SSBP3: variants seen among roughly 807,000 people sequenced by gnomAD.
SSBP3 encodes single-stranded DNA-binding protein 3.
Under a neutral mutation model 69.6 loss-of-function variants are expected in SSBP3, and 5 were observed. That is an observed-to-expected ratio of 0.07 (90% confidence interval 0.04 to 0.15). The LOEUF is 0.15. SSBP3 is among the 10% of genes least tolerant of loss of function. The pLI, the probability that SSBP3 is intolerant of heterozygous loss-of-function variation, is 1.00. For missense variants in SSBP3, 312 were observed against 534.0 expected, an observed-to-expected ratio of 0.58 and a Z score of 4.10; for synonymous variants, 196 against 193.4, an observed-to-expected ratio of 1.01 and a Z score of -0.11.
At chr1:54,373,018 T>C (rs991085568) in intron 4 of SSBP3, among the ~76,000 whole-genome samples, 4 of 152,226 alleles carry the variant, frequency 2.6e-5, no homozygotes, top group African/African-American at 9.6e-5. Context: ...TCCCCATGGC[T>C]GGGAATGATG....
chr1:54,388,090 G>A (rs1250042432), intron 4 of SSBP3, among the ~76,000 whole-genome samples: 1 of 151,886 alleles, frequency 6.6e-6, no homozygotes, highest in African/African-American at 2.4e-5. Flanking sequence ...GTCAAAATAG[G>A]TTTATCTGCA....
At chr1:54,288,228 G>C (rs149236348) in intron 4 of SSBP3, among the ~76,000 whole-genome samples, 1 of 152,312 alleles carries the variant, frequency 6.6e-6, no homozygotes, top group Non-Finnish European at 1.5e-5. Flanking sequence ...GTCCTGCACT[G>C]AGGGTCCCAG....
intron 4 of SSBP3, among the ~76,000 whole-genome samples, chr1:54,284,925 G>A (rs778583387): frequency 2.6e-5 from 4 of 152,126 alleles, no homozygotes; most frequent in Non-Finnish European, 5.9e-5. Flanking sequence ...TGAATGCAAC[G>A]GCCAGGGTCA....
At chr1:54,240,047 G>GGGGTGTGTGTGTGTGTGTGT (rs759078115) in intron 13 of SSBP3, among the ~76,000 whole-genome samples, 1 of 77,792 alleles carries the variant, frequency 1.3e-5, no homozygotes, top group Non-Finnish European at 2.6e-5. Context: ...ATTGTGATGG[G>GGGGTGTGTGTGTGTGTGTGT]GTGTGTGTGT....
intron 14 of SSBP3, among the ~76,000 whole-genome samples, chr1:54,229,611 G>A (rs936309431): frequency 2.0e-5 from 3 of 152,200 alleles, no homozygotes; most frequent in Non-Finnish European, 4.4e-5. Flanking sequence ...AGCCTATCTG[G>A]AACTATCAAA....
chr1:54,335,484 C>A (rs1329447969), intron 4 of SSBP3, among the ~76,000 whole-genome samples: 2 of 152,206 alleles, frequency 1.3e-5, no homozygotes, highest in African/African-American at 4.8e-5. Context: ...AACCCTCATG[C>A]AATCTGCCCT....
chr1:54,407,301 T>C (rs1169950078), upstream of SSBP3, among the ~76,000 whole-genome samples: 1 of 152,154 alleles, frequency 6.6e-6, no homozygotes, highest in Non-Finnish European at 1.5e-5. Flanking sequence ...GGGCGTCACC[T>C]GGGCGGCCCG....
At chr1:54,240,085 T>TGCGCGCGCGTGTGC (rs1644589953) in intron 13 of SSBP3, among the ~76,000 whole-genome samples, 3 of 38,538 alleles carry the variant, frequency 7.8e-5, no homozygotes, top group Admixed American at 5.3e-4. Flanking sequence ...TGTGTGTGTG[T>TGCGCGCGCGTGTGC]GTGCGCGCGC....
upstream of SSBP3, among the ~76,000 whole-genome samples, chr1:54,409,513 G>T (rs1003767433): frequency 2.0e-5 from 3 of 152,100 alleles, no homozygotes; most frequent in East Asian, 5.8e-4. Context: ...GACCGAGAGA[G>T]AGAGGGAAAA....
chr1:54,324,778 G>A (rs974091034), intron 4 of SSBP3, among the ~76,000 whole-genome samples: 2 of 152,174 alleles, frequency 1.3e-5, no homozygotes, highest in African/African-American at 2.4e-5. Flanking sequence ...CAGTGGCCCC[G>A]CTGTGATTTA....
chr1:54,376,009 A>G (rs1353563104), intron 4 of SSBP3, among the ~76,000 whole-genome samples: 1 of 150,146 alleles, frequency 6.7e-6, no homozygotes, highest in Admixed American at 6.6e-5. Flanking sequence ...CAGGGCAGGG[A>G]GGGAGGGGGA....
intron 4 of SSBP3, among the ~76,000 whole-genome samples, chr1:54,344,366 G>GT (rs1231629909): frequency 2.6e-5 from 4 of 152,176 alleles, no homozygotes; most frequent in African/African-American, 9.7e-5. Flanking sequence ...ACACAGTCTT[G>GT]GCATAATAAA....
At chr1:54,276,408 C>T (rs1338607286) in intron 5 of SSBP3, among the ~76,000 whole-genome samples, 4 of 151,742 alleles carry the variant, frequency 2.6e-5, no homozygotes, top group Non-Finnish European at 5.9e-5. Flanking sequence ...GTCAGGAATT[C>T]GAGACCGGCC....
intron 14 of SSBP3, among the ~76,000 whole-genome samples, chr1:54,233,229 G>C (rs1290577877): frequency 6.6e-6 from 1 of 150,980 alleles, no homozygotes; most frequent in East Asian, 2.0e-4. Flanking sequence ...CCTCTGCCCC[G>C]CTGCCCCATC....
intron 5 of SSBP3, among the ~76,000 whole-genome samples, chr1:54,268,672 T>C (rs1297549383): frequency 6.6e-6 from 1 of 152,164 alleles, no homozygotes; most frequent in East Asian, 1.9e-4. Context: ...ACTCGGTAGT[T>C]TTTCATGCCT....
intron 4 of SSBP3, among the ~76,000 whole-genome samples, chr1:54,399,726 T>C (rs540290362): frequency 2.2e-4 from 33 of 152,284 alleles, no homozygotes; most frequent in African/African-American, 7.5e-4. Flanking sequence ...TTAACTAGAC[T>C]GTAGCCACAA....
At chr1:54,374,975 C>T (rs1647193397) in intron 4 of SSBP3, among the ~76,000 whole-genome samples, 1 of 152,224 alleles carries the variant, frequency 6.6e-6, no homozygotes, top group Admixed American at 6.5e-5. Context: ...GCACAACACC[C>T]CACCCCGTCA....
chr1:54,258,181 G>C lies in SSBP3; in HGVS notation c.367-32C>G. ...GGCCAGACAGTAGAGGCAGGTTATA[G>C]ATCACAGCACATGGAGAAGCGCAGA... On this transcript the variant is annotated intron_variant, in intron 5 of 17. Coordinates refer to ENST00000610401, the Ensembl canonical transcript of SSBP3. This position sits in a 1 kb window ranked among gnomAD's most constrained non-coding sequence, Gnocchi z 4.5. 6.7e-7 allele frequency: 1 copy of C among 1,498,576 alleles called. No individual in the cohort carries two copies. Among genetic ancestry groups the C allele is most frequent in the East Asian group, 2.5e-5 (1 of 39,846 alleles). 92.8% of individuals were successfully genotyped at this position (1,498,576 alleles called of 1,614,324 possible). A position where few individuals can be genotyped will look rare whatever the true frequency, so the allele number is the denominator to read the frequency against.
At chr1:54,353,969 A>C (rs1022622668) in intron 4 of SSBP3, among the ~76,000 whole-genome samples, 20 of 152,178 alleles carry the variant, frequency 1.3e-4, no homozygotes, top group Non-Finnish European at 1.5e-5. Context: ...TGACTCCCCA[A>C]ATCATACAGG....
Sources: gnomAD v4.1 joint callset for allele counts (sites outside exome capture counted in the v4.1 genomes callset) on GRCh38, gnomAD v4.1.1 for gene constraint, Gnocchi (gnomAD v3.1) non-coding constraint, MANE v1.5 for transcripts, NCBI Gene and HGNC (gene_info 2026-07-23, HGNC 2026-07-21) for gene names.